Variants in PHF6 observed in about 807,000 individuals in gnomAD.
PHF6 encodes the protein PHD finger protein 6, also known as PHD-like zinc finger protein.
In PHF6, 7 loss-of-function variants were observed where a neutral mutation model predicts 34.0. The observed-to-expected ratio is 0.21, with a 90% CI of 0.12 to 0.39. PHF6 has a LOEUF of 0.39. Among genes scored for constraint, PHF6 ranks in the 10% least tolerant of loss-of-function variants. PHF6 has a pLI of 1.00. For missense variants in PHF6, 128 were observed against 262.8 expected, an observed-to-expected ratio of 0.49 and a Z score of 3.55; for synonymous variants, 89 against 88.4, an observed-to-expected ratio of 1.01 and a Z score of -0.04.
chrX:134,380,646 G>T (rs1164816812), intron 3 of PHF6, among the ~76,000 whole-genome samples: 2 of 111,375 alleles, frequency 1.8e-5, no homozygotes, highest in Non-Finnish European at 3.8e-5. Flanking sequence ...TTGAATCCCA[G>T]CTCTGTCATT....
chrX:134,395,442 G>A (rs1011002299), intron 5 of PHF6, among the ~76,000 whole-genome samples: 1 of 111,960 alleles, frequency 8.9e-6, no homozygotes, highest in African/African-American at 3.2e-5. Context: ...AAAAGTATGC[G>A]AAAACTCTGA....
At chrX:134,379,202 A>G (rs2077293001) in intron 3 of PHF6, among the ~76,000 whole-genome samples, 1 of 110,909 alleles carries the variant, frequency 9.0e-6, no homozygotes, top group African/African-American at 3.3e-5. Flanking sequence ...ATCGTTTTAC[A>G]TAAAAAGCAA....
intron 5 of PHF6, among the ~76,000 whole-genome samples, chrX:134,405,819 A>ATC (rs2077420668): frequency 9.4e-6 from 1 of 106,939 alleles, no homozygotes; most frequent in African/African-American, 3.4e-5. Context: ...TATATATAAT[A>ATC]TCAAGTATAT....
At position 134,378,090 on chromosome X, in the gene PHF6, A is replaced by G. The variant is rs1365245358; in HGVS notation, c.224A>G (p.Lys75Arg). 8.4e-7 allele frequency: 1 copy of G among 1,190,423 alleles called. No individual in the cohort carries two copies. Among genetic ancestry groups the G allele is most frequent in the East Asian group, 3.0e-5 (1 of 33,478 alleles). ...ATTGAAGATGTCCAAAAGGAAATTA[A>G]AAGAGGCACGAAGCTGGTAAGTTGG... ...FSIEDVQKEI[K>R]RGTKLMCSLC... The change falls in exon 3 of 11, where the codon AAA (lysine) becomes AGA (arginine). Residue 75 changes from lysine to arginine, a missense_variant. By Grantham distance (26) the Lys-to-Arg change is conservative. This residue lies in a region of PHF6 where 97 missense variants were observed against 152.9 expected (regional missense o/e 0.63). Coordinates refer to ENST00000370803, the MANE Select transcript of PHF6 (RefSeq NM_001015877.2).
intron 5 of PHF6, among the ~76,000 whole-genome samples, chrX:134,404,865 CT>C (rs955621365): frequency 7.2e-5 from 8 of 111,650 alleles, no homozygotes; most frequent in South Asian, 3.8e-4. Flanking sequence ...GGTACATACC[CT>C]TTTTTTATAC....
At chrX:134,395,859 A>C (rs2077375034) in intron 5 of PHF6, among the ~76,000 whole-genome samples, 1 of 112,010 alleles carries the variant, frequency 8.9e-6, no homozygotes, top group African/African-American at 3.2e-5. Context: ...GATAAATAAT[A>C]ATTTTTTTGA....
rs371190526 is a variant in PHF6, at chrX:134,377,651, A to G, written c.34A>G (p.Thr12Ala). 2.5e-6 allele frequency: 3 copies of G among 1,209,225 alleles called. No individual in the cohort carries two copies. Among genetic ancestry groups the G allele is most frequent in the East Asian group, 3.0e-5 (1 of 33,781 alleles). The change falls in exon 2 of 11, where the codon ACA becomes GCA. Residue 12 changes from threonine to alanine, a missense_variant. By Grantham distance (58) the Thr-to-Ala change is moderately conservative (BLOSUM62 0). Transcript: ENST00000370803. ...CTCAGTTGAACAGAAAAAAGGGCCT[A>G]CAAGACAGCGCAAATGTGGCTTTTG... ...SSSVEQKKGP[T>A]RQRKCGFCKS...
Position 134,414,925 on chromosome X carries a change from C to T in PHF6, c.730-91C>T, listed in dbSNP as rs187457882. 219 of 700,599 alleles carry T rather than the reference C, an allele frequency of 3.1e-4. 1 individual carries two copies. The African/African-American group carries it at 3.9e-3, about 12-fold the overall frequency. The allele number at this position is 700,599 out of a possible 1,213,427, so 57.7% of individuals were successfully genotyped here. On this transcript the variant is annotated intron_variant, in intron 7 of 10. Transcript: ENST00000370803. ...TTATTAAGGAAAGATTATCTTTCTT[C>T]GGAAATTAAATATAACACACTTGTT... is the stretch of plus-strand genomic sequence containing the variant.
intron 5 of PHF6, among the ~76,000 whole-genome samples, chrX:134,409,900 G>A (rs888570389): frequency 2.4e-4 from 27 of 111,093 alleles, no homozygotes; most frequent in African/African-American, 8.2e-4. Context: ...ATAAGTGAGA[G>A]CATGTTGCAT....
chrX:134,377,500 A>G, intron 1 of PHF6, 72 bp from the exon 2 acceptor site: 1 of 845,166 alleles, frequency 1.2e-6, no homozygotes, highest in East Asian at 3.2e-5. Flanking sequence ...CAAATTTTTA[A>G]CAACTTTCAT....
At chrX:134,403,902 G>A (rs1236327623) in intron 5 of PHF6, among the ~76,000 whole-genome samples, 1 of 111,860 alleles carries the variant, frequency 8.9e-6, no homozygotes, top group Non-Finnish European at 1.9e-5. Context: ...ACTGCTCAGA[G>A]AAAAAGATTC....
intron 5 of PHF6, among the ~76,000 whole-genome samples, chrX:134,398,104 T>TTA (rs1452904557): frequency 8.9e-6 from 1 of 111,749 alleles, no homozygotes; most frequent in African/African-American, 3.3e-5. Context: ...AAGTAAAAGA[T>TTA]AGATAGAGGC....
At chrX:134,387,704 G>A (rs752072693) in intron 3 of PHF6, among the ~76,000 whole-genome samples, 110 of 112,001 alleles carry the variant, frequency 9.8e-4, no homozygotes, top group African/African-American at 3.4e-3. Context: ...CAGGAGATGA[G>A]GTTAAGGCTT....
chrX:134,400,781 CAAGTGAT>C (rs2077399833), intron 5 of PHF6, among the ~76,000 whole-genome samples: 1 of 111,524 alleles, frequency 9.0e-6, no homozygotes, highest in African/African-American at 3.3e-5. Flanking sequence ...TCCCAACAGT[CAAGTGAT>C]GTGACTTTTC....
chrX:134,377,786 A>G (rs1167938954), intron 2 of PHF6, 31 bp downstream of exon 2: 1 of 1,195,605 alleles, frequency 8.4e-7, no homozygotes, highest in Admixed American at 2.2e-5. Context: ...AGAGACCTTG[A>G]AACGATTCAT....
intron 3 of PHF6, among the ~76,000 whole-genome samples, chrX:134,388,575 A>G (rs368364776): frequency 9.0e-6 from 1 of 111,370 alleles, no homozygotes; most frequent in Non-Finnish European, 1.9e-5. Flanking sequence ...TTACTGACAG[A>G]CATATTAGAT....
intron 9 of PHF6, among the ~76,000 whole-genome samples, chrX:134,421,273 G>T (rs1227534800): frequency 1.0e-5 from 1 of 95,521 alleles, no homozygotes; most frequent in Non-Finnish European, 2.2e-5. Flanking sequence ...GTGTGTGTAG[G>T]TCTCCTTCCA....
At position 134,389,651 on chromosome X, in the gene PHF6, C is replaced by T. The variant is rs1277493594; in HGVS notation, c.241-3850C>T. Among the ~76,000 whole-genome samples, 3 of 111,497 alleles carry T rather than the reference C, an allele frequency of 2.7e-5. No homozygotes were observed. The Admixed American group carries it at 2.9e-4, about 11-fold the overall frequency. ...AGCCACCTATCTGGTTTCTCAGCTT[C>T]TTTAATTTTTCTTTTTATCTCATCT... On this transcript the variant is annotated intron_variant, in intron 3 of 10. Coordinates refer to ENST00000370803, the MANE Select transcript of PHF6 (RefSeq NM_001015877.2).
At chrX:134,398,860 A>G (rs1026547520) in intron 5 of PHF6, among the ~76,000 whole-genome samples, 2 of 111,647 alleles carry the variant, frequency 1.8e-5, no homozygotes, top group African/African-American at 3.3e-5. Context: ...AAGCAGATGG[A>G]TTGATTATAT....
Sources: gnomAD v4.1 joint callset for allele counts (sites outside exome capture counted in the v4.1 genomes callset) on GRCh38, gnomAD v4.1.1 for gene constraint, gnomAD v4.1.1 regional missense constraint, MANE v1.5 for transcripts, NCBI Gene and HGNC (gene_info 2026-07-23, HGNC 2026-07-21) for gene names.